Variants in OR9A2 observed in about 807,000 individuals in gnomAD.
OR9A2 encodes olfactory receptor family 9 subfamily A member 2, also known as olfactory receptor 9A2.
In OR9A2, 14 loss-of-function variants were observed where a neutral mutation model predicts 18.7. The observed-to-expected ratio is 0.75, with a 90% CI of 0.50 to 1.17. The LOEUF (loss-of-function observed/expected upper bound fraction) is 1.17. Ranked by LOEUF, OR9A2 falls within the 50% of genes most tolerant of loss-of-function variation. The probability of loss-of-function intolerance (pLI) is 0.00; values close to 1 mark genes in which losing one functional copy is unlikely to be tolerated. For synonymous variants in OR9A2, 142 were observed against 142.6 expected, an observed-to-expected ratio of 1.00 and a Z score of 0.03; for missense variants, 353 against 372.7, an observed-to-expected ratio of 0.95 and a Z score of 0.44.
In OR9A2 at chr7:143,026,463, T is replaced by C. The variant is rs922941173; in HGVS notation, c.670A>G (p.Ile224Val). ...TTCCTCCGGCCAGAGGCTGACGGGATCTTGAGGATGGTGGAGATAATGTAG... is the reference window on the plus strand; with the variant it reads ...TTCCTCCGGCCAGAGGCTGACGGGACCTTGAGGATGGTGGAGATAATGTAG... ...YTYIISTILK[I>V]PSASGRRKAF... is the part of the protein sequence containing the mutation. Residue 224 changes from isoleucine to valine, a missense_variant, in exon 1 of 1, where the codon ATC (isoleucine) becomes GTC (valine). Transcript: ENST00000350513. 6.2e-7 allele frequency: 1 copy of C among 1,614,058 alleles called. No individual in the cohort carries two copies. Among genetic ancestry groups the C allele is most frequent in the Admixed American group, 1.7e-5 (1 of 60,018 alleles).
In OR9A2 at chr7:143,026,731, G is replaced by A. The variant is rs752466177; in HGVS notation, c.402C>T (p.Ser134=). 2 of 1,613,998 alleles carry A rather than the reference G, an allele frequency of 1.2e-6. No homozygotes were observed. Among genetic ancestry groups the A allele is most frequent in the African/African-American group, 1.3e-5 (1 of 74,900 alleles). The part of the protein sequence containing the change: ...NPLRYNIIMN[S]STCIWVVIVS... ...CTATTACCACCCAAATACAGGTACT[G>A]CTGTTCATAATGATGTTGTACCTCA... is the stretch of plus-strand genomic sequence containing the variant. Residue 134 remains serine (S), a synonymous_variant, in exon 1 of 1, where the codon AGC becomes AGT. Transcript: ENST00000350513.
rs1447033486 is a variant in OR9A2 at position 143,026,708 on chromosome 7, A to G, written c.425T>C (p.Ile142Thr). ...AAGAAATCCAAACACCCATGACACT[A>G]TTACCACCCAAATACAGGTACTGCT... ...MNSSTCIWVV[I>T]VSWVFGFLSE... Residue 142 changes from isoleucine (I) to threonine (T), a missense_variant, in exon 1 of 1, where the codon ATA becomes ACA. Ile to Thr is a moderately conservative substitution (Grantham distance 89, BLOSUM62 -1). Transcript: ENST00000350513. 1.2e-6 allele frequency: 2 copies of G among 1,614,066 alleles called. No homozygotes were observed. The highest frequency in any genetic ancestry group is 2.2e-5 in the East Asian group (1 of 44,894).
At position 143,026,965 on chromosome 7, in the gene OR9A2, G is replaced by T. The variant is rs770929950; in HGVS notation, c.168C>A (p.Ser56=). 6.2e-7 allele frequency: 1 copy of T among 1,614,036 alleles called. No individual in the cohort carries two copies. Among genetic ancestry groups the T allele is most frequent in the Non-Finnish European group, 8.5e-7 (1 of 1,179,994 alleles). ...VIVCVDKRLQ[S]PMYFFLSHLS... The stretch of plus-strand genomic sequence containing the variant: ...GGTGGCTGAGGAAGAAATACATGGG[G>T]GACTGCAGACGTTTATCCACACAGA... The change falls in exon 1 of 1, where the codon TCC becomes TCA. Residue 56 remains serine (S), a synonymous_variant. Transcript: ENST00000350513.
rs561457936 is a variant in OR9A2 at position 143,026,667 on chromosome 7, T to C, written c.466A>G (p.Ile156Val). The change falls in exon 1 of 1, where the codon ATC (isoleucine) becomes GTC (valine). Residue 156 changes from isoleucine to valine, a missense_variant. Physicochemically the swap from Ile to Val is conservative, Grantham distance 29. Coordinates refer to ENST00000350513, the MANE Select transcript of OR9A2 (RefSeq NM_001001658.1). The part of the protein sequence containing the change: ...VFGFLSEIWP[I>V]YATFQFTFRK... ...AAGGTAAACTGAAATGTGGCATAGA[T>C]GGGCCAGATTTCAGAAAGAAATCCA... The C allele has an allele frequency of 6.2e-6, 10 of 1,614,202 alleles. No individual in the cohort carries two copies. In the African/African-American group the frequency reaches 8.0e-5, roughly 13 times the overall value.
In OR9A2 at chr7:143,026,493, A is replaced by G; in HGVS notation, c.640T>C (p.Tyr214His). Reference sequence around the variant, plus strand: ...AGGATGGTGGAGATAATGTAGGTGTAGGAGACAATCGTAGGGATCAAAGAA... The same window carrying G: ...AGGATGGTGGAGATAATGTAGGTGTGGGAGACAATCGTAGGGATCAAAGAA... ...IGSLIPTIVS[Y>H]TYIISTILKI... The change falls in exon 1 of 1, where the codon TAC becomes CAC. Residue 214 changes from tyrosine (Y) to histidine (H), a missense_variant. Physicochemically the swap from Tyr to His is moderately conservative, Grantham distance 83. Coordinates refer to ENST00000350513, the MANE Select transcript of OR9A2 (RefSeq NM_001001658.1). 1 of 1,614,186 alleles carries G rather than the reference A, an allele frequency of 6.2e-7. No homozygotes were observed. Among genetic ancestry groups the G allele is most frequent in the South Asian group, 1.1e-5 (1 of 91,078 alleles).
rs777511934 is a variant in OR9A2, at chr7:143,026,752, C to T, written c.381G>A (p.Arg127=). 1 of 1,614,110 alleles carries T rather than the reference C, an allele frequency of 6.2e-7. No individual in the cohort carries two copies. Among genetic ancestry groups the T allele is most frequent in the East Asian group, 2.2e-5 (1 of 44,874 alleles). ...TACTGCTGTTCATAATGATGTTGTA[C>T]CTCAAAGGGTTACACACAGCCACAT... ...DRYVAVCNPL[R]YNIIMNSSTC... is the part of the protein sequence containing the mutation. Residue 127 remains arginine, a synonymous_variant, in exon 1 of 1, where the codon AGG becomes AGA. Coordinates refer to ENST00000350513, the MANE Select transcript of OR9A2 (RefSeq NM_001001658.1).
In OR9A2 at chr7:143,026,581, G is replaced by A. The variant is rs1797846183; in HGVS notation, c.552C>T (p.Ser184=). The A allele has an allele frequency of 6.2e-7, 1 of 1,614,074 alleles. No homozygotes were observed. The highest frequency in any genetic ancestry group is 1.3e-5 in the African/African-American group (1 of 74,914). ...YCDRGQLLKL[S]CDNTLLTEFI... is the part of the protein sequence containing the mutation. ...ACTCTGTGAGAAGAGTGTTATCGCA[G>A]GACAGTTTGAGCAATTGCCCTCGGT... The change falls in exon 1 of 1, where the codon TCC becomes TCT. Residue 184 remains serine (S), a synonymous_variant. Transcript: ENST00000350513.
rs1472061225 is a variant in OR9A2 at position 143,026,624 on chromosome 7, A to G, written c.509T>C (p.Leu170Ser). 1 of 1,614,230 alleles carries G rather than the reference A, an allele frequency of 6.2e-7. No homozygotes were observed. Among genetic ancestry groups the G allele is most frequent in the Non-Finnish European group, 8.5e-7 (1 of 1,180,042 alleles). Residue 170 changes from leucine (L) to serine (S), a missense_variant, in exon 1 of 1, where the codon TTA (leucine) becomes TCA (serine). Leu to Ser is a moderately radical substitution (Grantham distance 145). Transcript: ENST00000350513. ...FQFTFRKSNSLDHFYCDRGQL... is the reference protein window; with the variant it reads ...FQFTFRKSNSSDHFYCDRGQL... ...CCCTCGGTCACAGTAAAAATGGTCT[A>G]ATGAATTTGATTTGCGGAAGGTAAA...
Position 143,027,119 on chromosome 7 carries a change from T to TAACC in OR9A2, c.13_14insGGTT (p.His5ArgfsTer4). ...AAGGTGGAATTCAGTGGCACTAGAG[T>TAACC]GGTTGTCCATCATTTAGTCCTTGAT... is the stretch of plus-strand genomic sequence containing the variant. On this transcript the variant is annotated frameshift_variant, in exon 1 of 1. Transcript: ENST00000350513. LOFTEE classifies it high-confidence loss of function. 6.3e-7 allele frequency: 1 copy of TAACC among 1,591,928 alleles called. No homozygotes were observed. The highest frequency in any genetic ancestry group is 8.6e-7 in the Non-Finnish European group (1 of 1,168,770).
Position 143,026,426 on chromosome 7 carries a change from G to A in OR9A2, c.707C>T (p.Thr236Ile). The change falls in exon 1 of 1, where the codon ACT becomes ATT. Residue 236 changes from threonine to isoleucine, a missense_variant. Coordinates refer to ENST00000350513, the MANE Select transcript of OR9A2 (RefSeq NM_001001658.1). ...SASGRRKAFS[T>I]FASHFTCVVI... The stretch of plus-strand genomic sequence containing the variant: ...AACACAGGTGAAGTGGGAGGCAAAA[G>A]TGGAGAAGGCTTTCCTCCGGCCAGA... The A allele has an allele frequency of 6.2e-7, 1 of 1,614,160 alleles. No homozygotes were observed. Among genetic ancestry groups the A allele is most frequent in the Non-Finnish European group, 8.5e-7 (1 of 1,180,028 alleles).
In OR9A2 at chr7:143,026,834, T is replaced by C. The variant is rs953127540; in HGVS notation, c.299A>G (p.Asn100Ser). 2.5e-6 allele frequency: 4 copies of C among 1,613,972 alleles called. No individual in the cohort carries two copies. The highest frequency in any genetic ancestry group is 2.7e-5 in the African/African-American group (2 of 74,878). The part of the protein sequence containing the change: ...RQYLSLHVSL[N>S]FSCGTMEFAL... ...AAACTCCATGGTCCCACAGGAAAAG[T>C]TGAGCGATACATGTAGAGAAAGATA... Residue 100 changes from asparagine (N) to serine (S), a missense_variant, in exon 1 of 1, where the codon AAC (asparagine) becomes AGC (serine). By Grantham distance (46) the Asn-to-Ser change is conservative. Transcript: ENST00000350513.
In OR9A2 at chr7:143,027,083, G is replaced by T; in HGVS notation, c.50C>A (p.Pro17His). Residue 17 changes from proline (P) to histidine (H), a missense_variant, in exon 1 of 1, where the codon CCT (proline) becomes CAT (histidine). By Grantham distance (77) the Pro-to-His change is moderately conservative. Coordinates refer to ENST00000350513, the MANE Select transcript of OR9A2 (RefSeq NM_001001658.1). Reference protein sequence around the residue: ...SATEFHLLGFPGSQGLHHILF... With the variant: ...SATEFHLLGFHGSQGLHHILF... ...AATGTGGTGTAGTCCTTGGGACCCA[G>T]GGAAGCCTAGAAGGTGGAATTCAGT... 5.6e-6 allele frequency: 9 copies of T among 1,611,988 alleles called. No individual in the cohort carries two copies. Among genetic ancestry groups the T allele is most frequent in the Non-Finnish European group, 7.6e-6 (9 of 1,178,840 alleles).
chr7:143,026,509 G>A lies in OR9A2; in HGVS notation c.624C>T (p.Ile208=). 6.2e-7 allele frequency: 1 copy of A among 1,614,104 alleles called. No homozygotes were observed. Among genetic ancestry groups the A allele is most frequent in the East Asian group, 2.2e-5 (1 of 44,878 alleles). The stretch of plus-strand genomic sequence containing the variant: ...TGTAGGTGTAGGAGACAATCGTAGG[G>A]ATCAAAGAACCAATGAGAATAAAAA... ...MAVFILIGSL[I]PTIVSYTYII... The change falls in exon 1 of 1, where the codon ATC becomes ATT. Residue 208 remains isoleucine (I), a synonymous_variant. Transcript: ENST00000350513.
Position 143,027,054 on chromosome 7 carries a change from A to G in OR9A2, c.79T>C (p.Phe27Leu). 1.2e-6 allele frequency: 2 copies of G among 1,614,022 alleles called. No homozygotes were observed. The highest frequency in any genetic ancestry group is 2.2e-5 in the South Asian group (2 of 91,060). The change falls in exon 1 of 1, where the codon TTT (phenylalanine) becomes CTT (leucine). Residue 27 changes from phenylalanine (F) to leucine (L), a missense_variant. Coordinates refer to ENST00000350513, the MANE Select transcript of OR9A2 (RefSeq NM_001001658.1). The stretch of plus-strand genomic sequence containing the variant: ...AAATAGAAGAAAAAGAATATAGCAA[A>G]AAGAATGTGGTGTAGTCCTTGGGAC... ...PGSQGLHHIL[F>L]AIFFFFYLVT...
At position 143,026,372 on chromosome 7, in the gene OR9A2, A is replaced by G. The variant is rs761336631; in HGVS notation, c.761T>C (p.Leu254Pro). 1 of 1,614,200 alleles carries G rather than the reference A, an allele frequency of 6.2e-7. No homozygotes were observed. The highest frequency in any genetic ancestry group is 1.1e-5 in the South Asian group (1 of 91,072). ...VVIGYGSCLF[L>P]YVKPKQTQGV... is the part of the protein sequence containing the mutation. ...CTGTGTTTGCTTGGGTTTCACGTAGAGAAACAAGCAGCTGCCATAGCCAAT... is the reference window on the plus strand; with the variant it reads ...CTGTGTTTGCTTGGGTTTCACGTAGGGAAACAAGCAGCTGCCATAGCCAAT... The change falls in exon 1 of 1, where the codon CTC becomes CCC. Residue 254 changes from leucine (L) to proline (P), a missense_variant. By Grantham distance (98) the Leu-to-Pro change is moderately conservative. Transcript: ENST00000350513.
Position 143,026,905 on chromosome 7 carries a change from A to G in OR9A2, c.228T>C (p.Ile76=). 1 of 1,614,144 alleles carries G rather than the reference A, an allele frequency of 6.2e-7. No individual in the cohort carries two copies. Among genetic ancestry groups the G allele is most frequent in the Non-Finnish European group, 8.5e-7 (1 of 1,179,986 alleles). ...STLEILVTTI[I]VPMMLWGLLF... The stretch of plus-strand genomic sequence containing the variant: ...GCAATCCCCAAAGCATCATGGGGAC[A>G]ATTATGGTTGTGACCAGGATCTCCA... The change falls in exon 1 of 1, where the codon ATT becomes ATC. Residue 76 remains isoleucine, a synonymous_variant. Transcript: ENST00000350513.
rs997253838 is a variant in OR9A2 at position 143,026,781 on chromosome 7, G to A, written c.352C>T (p.Arg118Cys). 4 of 1,614,040 alleles carry A rather than the reference G, an allele frequency of 2.5e-6. No homozygotes were observed. Among genetic ancestry groups the A allele is most frequent in the Admixed American group, 1.7e-5 (1 of 60,010 alleles). Reference protein sequence around the residue: ...FALLGVMAVDRYVAVCNPLRY... With the variant: ...FALLGVMAVDCYVAVCNPLRY... The stretch of plus-strand genomic sequence containing the variant: ...AAAGGGTTACACACAGCCACATAAC[G>A]GTCCACAGCCATCACTCCAAGTAAT... Residue 118 changes from arginine (R) to cysteine (C), a missense_variant, in exon 1 of 1, where the codon CGT becomes TGT. Arg to Cys is a radical substitution (Grantham distance 180, BLOSUM62 -3). Coordinates refer to ENST00000350513, the MANE Select transcript of OR9A2 (RefSeq NM_001001658.1).
Position 143,026,987 on chromosome 7 carries a change from C to A in OR9A2, c.146G>T (p.Cys49Phe). ...MGNTVIIVIV[C>F]VDKRLQSPMY... ...GGGGGACTGCAGACGTTTATCCACA[C>A]AGACAATCACAATGATGACCGTGTT... Residue 49 changes from cysteine to phenylalanine, a missense_variant, in exon 1 of 1, where the codon TGT (cysteine) becomes TTT (phenylalanine). Cys to Phe is a radical substitution (Grantham distance 205). Transcript: ENST00000350513. 1 of 1,614,138 alleles carries A rather than the reference C, an allele frequency of 6.2e-7. No homozygotes were observed. The highest frequency in any genetic ancestry group is 1.1e-5 in the South Asian group (1 of 91,076).
chr7:143,026,580 A>G lies in OR9A2; in HGVS notation c.553T>C (p.Cys185Arg). 2 of 1,614,272 alleles carry G rather than the reference A, an allele frequency of 1.2e-6. No homozygotes were observed. Among genetic ancestry groups the G allele is most frequent in the Admixed American group, 1.7e-5 (1 of 60,038 alleles). ...CDRGQLLKLS[C>R]DNTLLTEFIL... ...AACTCTGTGAGAAGAGTGTTATCGC[A>G]GGACAGTTTGAGCAATTGCCCTCGG... The change falls in exon 1 of 1, where the codon TGC (cysteine) becomes CGC (arginine). Residue 185 changes from cysteine (C) to arginine (R), a missense_variant. By Grantham distance (180) the Cys-to-Arg change is radical. Coordinates refer to ENST00000350513, the MANE Select transcript of OR9A2 (RefSeq NM_001001658.1).
Sources: gnomAD v4.1 joint callset for allele counts on GRCh38, gnomAD v4.1.1 for gene constraint, MANE v1.5 for transcripts, NCBI Gene and HGNC (gene_info 2026-07-23, HGNC 2026-07-21) for gene names.